Variants in NELFA observed in about 807,000 individuals in gnomAD.
The protein encoded by NELFA is negative elongation factor complex member A.
A neutral mutation model predicts 51.8 loss-of-function variants in NELFA; 35 were observed. That is an observed-to-expected ratio of 0.68 (90% CI 0.52 to 0.90). NELFA has a LOEUF of 0.90. NELFA is among the 40% of genes least tolerant of loss of function. The probability of loss-of-function intolerance (pLI) is 0.00; values close to 1 mark genes in which losing one functional copy is unlikely to be tolerated. For synonymous variants in NELFA, 417 were observed against 338.4 expected, an observed-to-expected ratio of 1.23 and a Z score of -2.55; for missense variants, 658 against 746.4, an observed-to-expected ratio of 0.88 and a Z score of 1.38.
chr4:1,990,590 A>AG (rs1055243452), intron 2 of NELFA: 247 of 446,260 alleles, frequency 5.5e-4, no homozygotes, highest in Non-Finnish European at 9.2e-4. Context: ...TGCCACTTGC[A>AG]GGGGGGTGGC....
At chr4:2,007,823 T>G in intron 1 of NELFA, 1 of 364,140 alleles carries the variant, frequency 2.7e-6, no homozygotes, top group Admixed American at 3.7e-5. Flanking sequence ...CAAAAGCAAT[T>G]ACAACCTATA....
At chr4:1,991,782 C>A in intron 1 of NELFA, 67 bp from the exon 2 acceptor site, 1 of 1,495,736 alleles carries the variant, frequency 6.7e-7, no homozygotes, top group Non-Finnish European at 9.0e-7. Flanking sequence ...CCCTGCTGAG[C>A]TTCCGGATGG....
chr4:1,987,716 G>A (rs1728148665), intron 4 of NELFA: 5 of 564,524 alleles, frequency 8.9e-6, no homozygotes, highest in South Asian at 6.8e-5. Context: ...CTGTCTCCGT[G>A]CCCACACATC....
At position 1,983,328 on chromosome 4, in the gene NELFA, A is replaced by G; in HGVS notation, c.1578T>C (p.Asn526=). The G allele has an allele frequency of 1.2e-6, 2 of 1,613,962 alleles. No individual in the cohort carries two copies. Among genetic ancestry groups the G allele is most frequent in the Non-Finnish European group, 1.7e-6 (2 of 1,179,924 alleles). Residue 526 remains asparagine (N), a synonymous_variant, in exon 11 of 11, where the codon AAT becomes AAC. Coordinates refer to ENST00000382882, the MANE Select transcript of NELFA (RefSeq NM_005663.5). ...TGTGAGGCAGGTGGTTCTAGGACAC[A>G]TTGGTCATGGGCTTGTACTTCTTGA... ...TRFKKYKPMT[N]VS is the part of the protein sequence containing the mutation.
chr4:1,994,538 C>A (rs1728370120), intron 1 of NELFA, among the ~76,000 whole-genome samples: 1 of 150,568 alleles, frequency 6.6e-6, no homozygotes, highest in African/African-American at 2.5e-5. Flanking sequence ...GTACTCCAGC[C>A]TGGGCAACAG....
rs1489669045 is a variant in NELFA at position 1,983,297 on chromosome 4, G to A, written c.*22C>T. On this transcript the variant is annotated 3_prime_UTR_variant, in exon 11 of 11. Coordinates refer to ENST00000382882, the MANE Select transcript of NELFA (RefSeq NM_005663.5). The stretch of plus-strand genomic sequence containing the variant: ...GTCCCGTGGACCCCCACAAGTGACG[G>A]CCAGCTGTGAGGCAGGTGGTTCTAG... 2 of 1,599,860 alleles carry A rather than the reference G, an allele frequency of 1.3e-6. No homozygotes were observed. The highest frequency in any genetic ancestry group is 1.1e-5 in the South Asian group (1 of 90,190).
In NELFA at chr4:1,984,884, G is replaced by A. The variant is rs757972529; in HGVS notation, c.960C>T (p.Pro320=). Reference sequence around the variant, plus strand: ...GCGTGGAGGGAAGGTAGCTCGTGGAGGGCAGCGCAGGCTCATTGTTCAGGG... The same window carrying A: ...GCGTGGAGGGAAGGTAGCTCGTGGAAGGCAGCGCAGGCTCATTGTTCAGGG... The part of the protein sequence containing the change: ...LGSLNNEPAL[P]STSYLPSTPS... The change falls in exon 8 of 11, where the codon CCC becomes CCT. Residue 320 remains proline (P), a synonymous_variant. Transcript: ENST00000382882. 1 of 1,579,104 alleles carries A rather than the reference G, an allele frequency of 6.3e-7. No individual in the cohort carries two copies. Among genetic ancestry groups the A allele is most frequent in the Non-Finnish European group, 8.6e-7 (1 of 1,161,610 alleles).
intron 1 of NELFA, among the ~76,000 whole-genome samples, chr4:2,001,364 T>A (rs545218779): frequency 2.0e-5 from 3 of 152,192 alleles, no homozygotes; most frequent in Admixed American, 6.5e-5. Flanking sequence ...GTTGTCTCTG[T>A]TTGCAGATGA....
In NELFA at chr4:1,984,124, A is replaced by C. The variant is rs762122260; in HGVS notation, c.1037-11T>G. The C allele has an allele frequency of 9.1e-6, 14 of 1,538,784 alleles. No homozygotes were observed. The highest frequency in any genetic ancestry group is 1.2e-5 in the Non-Finnish European group (14 of 1,150,120). On this transcript the variant is annotated splice_polypyrimidine_tract_variant and intron_variant, in intron 8 of 10. Transcript: ENST00000382882. The stretch of plus-strand genomic sequence containing the variant: ...CCCGGGAAGATGGGGCTGCAAGTAG[A>C]CCGGGGCCTGGTGAGGGGGCTGGAC...
At chr4:2,004,439 G>A (rs1474703513) in intron 1 of NELFA, among the ~76,000 whole-genome samples, 1 of 152,070 alleles carries the variant, frequency 6.6e-6, no homozygotes, top group Non-Finnish European at 1.5e-5. Flanking sequence ...CTACTGAAGT[G>A]TACATTTTAA....
At position 1,989,838 on chromosome 4, in the gene NELFA, T is replaced by C; in HGVS notation, c.414A>G (p.Pro138=). 3 of 1,614,070 alleles carry C rather than the reference T, an allele frequency of 1.9e-6. No individual in the cohort carries two copies. The highest frequency in any genetic ancestry group is 2.5e-6 in the Non-Finnish European group (3 of 1,180,006). Residue 138 remains proline, a synonymous_variant, in exon 3 of 11, where the codon CCA becomes CCG. Coordinates refer to ENST00000382882, the MANE Select transcript of NELFA (RefSeq NM_005663.5). The surrounding 1 kb of genome is among the most constrained non-coding windows in gnomAD (Gnocchi z 4.8). ...VGECEASAML[P]LECQYLNKNA... is the part of the protein sequence containing the mutation. ...TTTTGTTCAAGTACTGGCACTCCAG[T>C]GGCAGCATGGCAGACGCTTCACACT...
chr4:1,994,293 G>A (rs530481108), intron 1 of NELFA, among the ~76,000 whole-genome samples: 10 of 152,138 alleles, frequency 6.6e-5, no homozygotes, highest in African/African-American at 9.6e-5. Context: ...GGCTGGGCAC[G>A]GTGGCTCACG....
In NELFA at chr4:1,989,950, CCA is replaced by C; in HGVS notation, c.383-83_383-82del. On this transcript the variant is annotated intron_variant, in intron 2 of 10. Transcript: ENST00000382882. The surrounding 1 kb of genome is among the most constrained non-coding windows in gnomAD (Gnocchi z 4.8). The stretch of plus-strand genomic sequence containing the variant: ...GAGAGGAGCTGGCGGCTGCCCAGCC[CCA>C]CACCCTCCTCAGTTAGGGTTAGGTC... 6.6e-7 allele frequency: 1 copy of C among 1,515,852 alleles called. No homozygotes were observed. The allele number at this position is 1,515,852 out of a possible 1,614,324, so 93.9% of individuals were successfully genotyped here. A position where few individuals can be genotyped will look rare whatever the true frequency, so the allele number is the denominator to read the frequency against.
At chr4:1,987,061 G>A (rs1728127297) in intron 4 of NELFA, among the ~76,000 whole-genome samples, 1 of 152,160 alleles carries the variant, frequency 6.6e-6, no homozygotes, top group Admixed American at 6.5e-5. Context: ...CGGCTGCGGT[G>A]GGCAGGAACA....
chr4:1,983,274 CCCGTGGACCCCCACAAGTGACGG>C lies in NELFA; in HGVS notation c.*22_*44del. The C allele has an allele frequency of 6.3e-7, 1 of 1,576,276 alleles. No homozygotes were observed. Among genetic ancestry groups the C allele is most frequent in the Non-Finnish European group, 8.7e-7 (1 of 1,154,998 alleles). ...TACTTTAAGCTGGCAAAGCCATCGT[CCCGTGGACCCCCACAAGTGACGG>C]CCAGCTGTGAGGCAGGTGGTTCTAG... On this transcript the variant is annotated 3_prime_UTR_variant, in exon 11 of 11. Coordinates refer to ENST00000382882, the MANE Select transcript of NELFA (RefSeq NM_005663.5).
chr4:1,985,057 G>C, intron 7 of NELFA, 138 bp from the exon 8 acceptor site: 1 of 629,344 alleles, frequency 1.6e-6, no homozygotes. Flanking sequence ...CCACTCTCCC[G>C]AGCTCCCTGG....
chr4:1,983,718 G>C (rs779546299), intron 9 of NELFA, 23 bp from the exon 10 acceptor site: 1 of 1,612,490 alleles, frequency 6.2e-7, no homozygotes, highest in South Asian at 1.1e-5. Context: ...GAGGGGTGTG[G>C]GTGCCAGGGC....
At chr4:1,984,995 A>G in intron 7 of NELFA, 76 bp from the exon 8 acceptor site, 1 of 1,072,812 alleles carries the variant, frequency 9.3e-7, no homozygotes, top group Non-Finnish European at 1.3e-6. Context: ...CCCGACCCGG[A>G]GCTCCACTGC....
At chr4:2,008,574 G>C (rs1410781331) in intron 1 of NELFA, among the ~76,000 whole-genome samples, 176 bp downstream of exon 1, 18 of 144,770 alleles carry the variant, frequency 1.2e-4, no homozygotes, top group Admixed American at 1.0e-3. Context: ...GTGAGGACTG[G>C]AGGGAGGTAT....
Sources: allele counts gnomAD v4.1 joint callset (sites outside exome capture counted in the v4.1 genomes callset), GRCh38; gene constraint gnomAD v4.1.1; non-coding constraint Gnocchi (gnomAD v3.1); transcripts MANE v1.5; gene names NCBI Gene and HGNC (gene_info 2026-07-23, HGNC 2026-07-21).